Variants in POLD1 observed in about 807,000 individuals in gnomAD.
The protein encoded by POLD1 is DNA polymerase delta 1, catalytic subunit.
POLD1 carries 79 observed loss-of-function variants against 129.7 expected under a neutral mutation model. The ratio of observed to expected loss-of-function variants is 0.61; its 90% confidence interval spans 0.51 to 0.73. The LOEUF (loss-of-function observed/expected upper bound fraction) is 0.73. POLD1 is among the 30% of genes least tolerant of loss of function. POLD1 has a pLI of 0.00. For synonymous variants in POLD1, 714 were observed against 683.3 expected, an observed-to-expected ratio of 1.04 and a Z score of -0.70; for missense variants, 1,338 against 1,595.8, an observed-to-expected ratio of 0.84 and a Z score of 2.75.
chr19:50,403,586 CAG>C lies in POLD1; in HGVS notation c.1233_1234del (p.Gln411HisfsTer223), dbSNP rs2038751366. 1 of 1,611,330 alleles carries C rather than the reference CAG, an allele frequency of 6.2e-7. No individual in the cohort carries two copies. Among genetic ancestry groups the C allele is most frequent in the African/African-American group, 1.3e-5 (1 of 74,880 alleles). ...FDLPYLISRAQTLKVQTFPFL... is the reference protein window; with the variant it reads ...FDLPYLISRAXTLKVQTFPFL... ...CCTTCCGTACCTCATCTCTCGGGCC[CAG>C]ACCCTCAAGGTGAGGGCTGGGCAGG... On this transcript the variant is annotated frameshift_variant, in exon 10 of 27. Transcript: ENST00000440232. LOFTEE classifies it high-confidence loss of function.
intron 1 of POLD1, among the ~76,000 whole-genome samples, chr19:50,385,532 T>C (rs1363872536): frequency 1.3e-4 from 19 of 147,770 alleles, no homozygotes; most frequent in African/African-American, 4.7e-4. Context: ...TTCTCTTTTT[T>C]TTTTTTTTTT....
Position 50,402,101 on chromosome 19 carries a change from C to T in POLD1, c.566C>T (p.Ala189Val), listed in dbSNP as rs1555789928. The part of the protein sequence containing the change: ...GRELTGPAVL[A>V]VELCSRESMF... ...GAGCTGACTGGGCCGGCCGTGCTGG[C>T]TGTGGAACTGTGCTCCCGAGAGAGT... Residue 189 changes from alanine to valine, a missense_variant, in exon 5 of 27, where the codon GCT becomes GTT. Ala to Val is a moderately conservative substitution (Grantham distance 64). Coordinates refer to ENST00000440232, the MANE Select transcript of POLD1 (RefSeq NM_002691.4). 6.2e-7 allele frequency: 1 copy of T among 1,613,204 alleles called. No homozygotes were observed.
chr19:50,403,387 G>A (rs1333690403), intron 9 of POLD1, 106 bp from the exon 10 acceptor site: 2 of 1,152,210 alleles, frequency 1.7e-6, no homozygotes, highest in Admixed American at 3.6e-5. Flanking sequence ...TCCCCTCTGG[G>A]TTCTGCAGGA....
At position 50,400,133 on chromosome 19, in the gene POLD1, ATT is replaced by A. The variant is rs71182715; in HGVS notation, c.316+676_316+677del. Among the ~76,000 whole-genome samples the A allele has an allele frequency of 8.2e-3, 396 of 48,056 alleles. 1 individual carries two copies. The highest frequency in any genetic ancestry group is 0.019 in the African/African-American group (317 of 17,104). 31.5% of individuals were successfully genotyped at this position (48,056 alleles called of 152,430 possible). ...CCAGCCCAATTTGACTTTTTAAAAG[ATT>A]TTTTTTTTTTTTTTTTTTTTTTTTT... is the stretch of plus-strand genomic sequence containing the variant. On this transcript the variant is annotated intron_variant, in intron 3 of 26. Coordinates refer to ENST00000440232, the MANE Select transcript of POLD1 (RefSeq NM_002691.4).
At chr19:50,414,766 G>A (rs1279540736) in intron 19 of POLD1, 49 bp from the exon 20 acceptor site, 4 of 1,408,848 alleles carry the variant, frequency 2.8e-6, no homozygotes, top group African/African-American at 2.9e-5. Context: ...TCTCCAGATT[G>A]GGGCTTGGCC....
At chr19:50,416,874 G>A (rs1331961445) in intron 24 of POLD1, 151 bp downstream of exon 24, 1 of 953,632 alleles carries the variant, frequency 1.0e-6, no homozygotes, top group African/African-American at 1.7e-5. Flanking sequence ...CCCCACAGAG[G>A]GTCCTCGGCC....
chr19:50,390,704 C>T (rs1307244577), intron 1 of POLD1, among the ~76,000 whole-genome samples: 4 of 151,936 alleles, frequency 2.6e-5, no homozygotes, highest in Admixed American at 2.6e-4. Context: ...TCTGGTTTTC[C>T]TAGGCAGAGG....
intron 14 of POLD1, 73 bp downstream of exon 14, chr19:50,407,488 C>A: frequency 2.0e-6 from 2 of 1,022,826 alleles, no homozygotes; most frequent in South Asian, 3.5e-5. Flanking sequence ...CACTTGAGCT[C>A]AGGAGTTTGA....
intron 19 of POLD1, among the ~76,000 whole-genome samples, 175 bp from the exon 20 acceptor site, chr19:50,414,640 T>C (rs2039207280): frequency 6.6e-6 from 1 of 152,356 alleles, no homozygotes; most frequent in East Asian, 1.9e-4. Context: ...CCGAGGGGCC[T>C]CAGGAGCCAC....
At chr19:50,400,114 C>G (rs1308718306) in intron 3 of POLD1, among the ~76,000 whole-genome samples, 3 of 125,788 alleles carry the variant, frequency 2.4e-5, no homozygotes, top group Non-Finnish European at 4.9e-5. Context: ...TGTGCCAGCC[C>G]AATTTGACTT....
intron 9 of POLD1, 137 bp downstream of exon 9, chr19:50,403,356 G>A (rs2038740127): frequency 8.1e-6 from 9 of 1,115,532 alleles, no homozygotes; most frequent in South Asian, 1.4e-5. Flanking sequence ...GTGGGCCCCT[G>A]TGCAATTAGG....
At chr19:50,402,825 G>A (rs577487492) in intron 8 of POLD1, 84 bp downstream of exon 8, 13 of 1,519,460 alleles carry the variant, frequency 8.6e-6, no homozygotes, top group East Asian at 6.8e-5. Context: ...GGAGGGAATG[G>A]CAAGCATGAA....
chr19:50,413,509 C>T lies in POLD1; in HGVS notation c.2238C>T (p.Ser746=), dbSNP rs1348543193. 5 of 1,609,502 alleles carry T rather than the reference C, an allele frequency of 3.1e-6. No individual in the cohort carries two copies. The highest frequency in any genetic ancestry group is 4.2e-6 in the Non-Finnish European group (5 of 1,177,680). ...ESKYTVENGY[S]TSAKVVYGDT... ...AGTACACAGTGGAGAATGGCTACAG[C>T]ACCAGTGCCAAGGTCGGGGGCTGCC... The change falls in exon 18 of 27, where the codon AGC becomes AGT. Residue 746 remains serine (S), a synonymous_variant. Coordinates refer to ENST00000440232, the MANE Select transcript of POLD1 (RefSeq NM_002691.4).
In POLD1 at chr19:50,402,617, G is replaced by A. The variant is rs780498642; in HGVS notation, c.846G>A (p.Thr282=). Residue 282 remains threonine, a synonymous_variant, in exon 8 of 27, where the codon ACG becomes ACA. Coordinates refer to ENST00000440232, the MANE Select transcript of POLD1 (RefSeq NM_002691.4). ...KYALRLKEKA[T]QCQLEADVLW... is the part of the protein sequence containing the mutation. ...TGACCCACCCATGCCCACAGGCTAC[G>A]CAGTGCCAGCTGGAGGCGGACGTGC... The A allele has an allele frequency of 3.6e-5, 57 of 1,572,498 alleles. No individual in the cohort carries two copies. The highest frequency in any genetic ancestry group is 4.1e-5 in the Non-Finnish European group (48 of 1,158,476).
In POLD1 at chr19:50,402,009, C is replaced by T. The variant is rs372985828; in HGVS notation, c.474C>T (p.Pro158=). The change falls in exon 5 of 27, where the codon CCC becomes CCT. Residue 158 remains proline, a synonymous_variant. Transcript: ENST00000440232. The part of the protein sequence containing the change: ...FYTPAPPGFG[P]EHMGDLQREL... ...TCCCTCCCACACCAGGTTTCGGGCCCGAGCACATGGGTGACCTGCAACGGG... is the reference window on the plus strand; with the variant it reads ...TCCCTCCCACACCAGGTTTCGGGCCTGAGCACATGGGTGACCTGCAACGGG... 14 of 1,614,106 alleles carry T rather than the reference C, an allele frequency of 8.7e-6. No homozygotes were observed. Among genetic ancestry groups the T allele is most frequent in the African/African-American group, 4.0e-5 (3 of 75,044 alleles).
chr19:50,409,706 G>T lies in POLD1; in HGVS notation c.2154+40G>T, dbSNP rs2039026754. 6.4e-7 allele frequency: 1 copy of T among 1,565,700 alleles called. No homozygotes were observed. The highest frequency in any genetic ancestry group is 8.7e-7 in the Non-Finnish European group (1 of 1,153,128). On this transcript the variant is annotated intron_variant, in intron 17 of 26. Transcript: ENST00000440232. This position sits in a 1 kb window ranked among gnomAD's most constrained non-coding sequence, Gnocchi z 5.8. ...CCCTGGAAGGCAACTGGGGGCAGGT[G>T]GGCCCCCTGTGTAGGAGACCAGGGC...
rs777119526 is a variant in POLD1 at position 50,409,680 on chromosome 19, C to A, written c.2154+14C>A. ...GAGATCTCACAGGTGGGCACTCGGG[C>A]CCCTGGAAGGCAACTGGGGGCAGGT... On this transcript the variant is annotated intron_variant, in intron 17 of 26. Coordinates refer to ENST00000440232, the MANE Select transcript of POLD1 (RefSeq NM_002691.4). The surrounding 1 kb of genome is among the most constrained non-coding windows in gnomAD (Gnocchi z 5.8). The A allele has an allele frequency of 6.3e-7, 1 of 1,581,322 alleles. No homozygotes were observed. Among genetic ancestry groups the A allele is most frequent in the Admixed American group, 1.7e-5 (1 of 57,506 alleles).
rs1185143266 is a variant in POLD1, at chr19:50,401,413, T to C, written c.317-365T>C. On this transcript the variant is annotated intron_variant, in intron 3 of 26. Coordinates refer to ENST00000440232, the MANE Select transcript of POLD1 (RefSeq NM_002691.4). ...TATATTTTTTTTTTTTTTTTTTTTT[T>C]TTCTTTTTTTTGAGACTGGGTCTCG... 5.5e-5 allele frequency among the ~76,000 whole-genome samples: 7 copies of C among 126,544 alleles called. No individual in the cohort carries two copies. The East Asian group carries it at 9.5e-4, about 17-fold the overall frequency. The allele number at this position is 126,544 out of a possible 152,430, so 83.0% of individuals were successfully genotyped here.
chr19:50,408,921 A>G lies in POLD1; in HGVS notation c.1892+20A>G, dbSNP rs1601225790. 1.9e-6 allele frequency: 3 copies of G among 1,597,982 alleles called. No individual in the cohort carries two copies. Among genetic ancestry groups the G allele is most frequent in the Middle Eastern group, 1.7e-4 (1 of 5,978 alleles). On this transcript the variant is annotated intron_variant, in intron 15 of 26. Coordinates refer to ENST00000440232, the MANE Select transcript of POLD1 (RefSeq NM_002691.4). ...ACTGGGGTATAGTGCCCAATTCAGC[A>G]TGTGTCCCCCGAGGCCCATCTGGGC...
Sources: allele counts gnomAD v4.1 joint callset (sites outside exome capture counted in the v4.1 genomes callset), GRCh38; gene constraint gnomAD v4.1.1; non-coding constraint Gnocchi (gnomAD v3.1); transcripts MANE v1.5; gene names NCBI Gene and HGNC (gene_info 2026-07-23, HGNC 2026-07-21).